Variants in PHACTR3 observed in about 807,000 individuals in gnomAD.
The protein encoded by PHACTR3 is protein phosphatase 1, regulatory subunit 123.
In PHACTR3, 16 loss-of-function variants were observed where a neutral mutation model predicts 66.8. That is an observed-to-expected ratio of 0.24 (90% CI 0.16 to 0.36). The LOEUF is 0.36. Among genes scored for constraint, PHACTR3 ranks in the 10% least tolerant of loss-of-function variants. The pLI, the probability that PHACTR3 is intolerant of heterozygous loss-of-function variation, is 1.00. For synonymous variants in PHACTR3, 323 were observed against 292.1 expected (o/e 1.11, Z -1.08); for missense variants, 647 against 719.9 (o/e 0.90, Z 1.16).
At chr20:59,624,065 A>G (rs2034361407) in intron 1 of PHACTR3, among the ~76,000 whole-genome samples, 2 of 151,814 alleles carry the variant, frequency 1.3e-5, no homozygotes, top group African/African-American at 4.8e-5. Flanking sequence ...TCGCCTCTCG[A>G]TTTGGAGGGT....
At chr20:59,652,912 A>ATG (rs574491868) in intron 1 of PHACTR3, among the ~76,000 whole-genome samples, 3 of 152,094 alleles carry the variant, frequency 2.0e-5, no homozygotes, top group East Asian at 1.9e-4. Flanking sequence ...GTGCATTTTC[A>ATG]TGTGTGTGTG....
At chr20:59,589,397 C>G (rs1004185081) in intron 1 of PHACTR3, among the ~76,000 whole-genome samples, 1 of 152,190 alleles carries the variant, frequency 6.6e-6, no homozygotes, top group African/African-American at 2.4e-5. Flanking sequence ...CAAACACGGA[C>G]GGCCGTTACT....
At chr20:59,774,836 A>G (rs769394981) in intron 7 of PHACTR3, among the ~76,000 whole-genome samples, 20 of 152,134 alleles carry the variant, frequency 1.3e-4, no homozygotes, top group Non-Finnish European at 2.6e-4. Flanking sequence ...GGCGAACAGT[A>G]TATAGTTGGT....
At chr20:59,761,686 G>C (rs985880944) in intron 4 of PHACTR3, among the ~76,000 whole-genome samples, 1 of 152,246 alleles carries the variant, frequency 6.6e-6, no homozygotes, top group Non-Finnish European at 1.5e-5. Context: ...ATCAGCCCCT[G>C]CTCTGGAAAA....
At chr20:59,696,989 G>T (rs1261863196) in intron 1 of PHACTR3, among the ~76,000 whole-genome samples, 1 of 152,208 alleles carries the variant, frequency 6.6e-6, no homozygotes, top group Non-Finnish European at 1.5e-5. Context: ...AGCAGAGGGT[G>T]CTGGGATTCA....
intron 1 of PHACTR3, among the ~76,000 whole-genome samples, chr20:59,674,736 TTCCCCCCTTC>T (rs1391272969): frequency 2.0e-3 from 151 of 74,646 alleles, no homozygotes; most frequent in South Asian, 3.1e-3. Flanking sequence ...CCTCCTCCTG[TTCCCCCCTTC>T]TCTGGTTCCC....
At chr20:59,679,185 A>ATT (rs1568702721) in intron 1 of PHACTR3, among the ~76,000 whole-genome samples, 1 of 152,158 alleles carries the variant, frequency 6.6e-6, no homozygotes, top group Non-Finnish European at 1.5e-5. Context: ...TTGAAGATGG[A>ATT]CTTGATTGAA....
rs774533912 is a variant in PHACTR3, at chr20:59,845,247, C to T, written c.1646C>T (p.Ser549Leu). The change falls in exon 12 of 13, where the codon TCA becomes TTA. Residue 549 changes from serine (S) to leucine (L), a missense_variant. Ser to Leu is a moderately radical substitution (Grantham distance 145, BLOSUM62 -2). Transcript: ENST00000371015. The stretch of plus-strand genomic sequence containing the variant: ...AGTAATGAAATGGAGGTACATGCAT[C>T]AAGCAAGCACTTGACAAGGTCAGAT... ...YKSNEMEVHA[S>L]SKHLTRFHRP is the part of the protein sequence containing the mutation. 1 of 1,607,170 alleles carries T rather than the reference C, an allele frequency of 6.2e-7. No individual in the cohort carries two copies. The highest frequency in any genetic ancestry group is 8.5e-7 in the Non-Finnish European group (1 of 1,174,808).
At chr20:59,696,905 G>A (rs2037318719) in intron 1 of PHACTR3, among the ~76,000 whole-genome samples, 1 of 152,184 alleles carries the variant, frequency 6.6e-6, no homozygotes, top group Non-Finnish European at 1.5e-5. Flanking sequence ...CTTTCCTATT[G>A]TGGAGGCTGT....
intron 7 of PHACTR3, among the ~76,000 whole-genome samples, chr20:59,788,064 AC>A (rs974638146): frequency 1.3e-5 from 2 of 152,098 alleles, no homozygotes; most frequent in African/African-American, 4.8e-5. Context: ...CAAGCAGTAA[AC>A]ACTGCACCAT....
intron 1 of PHACTR3, among the ~76,000 whole-genome samples, chr20:59,712,084 C>A (rs1293021961): frequency 6.6e-6 from 1 of 151,948 alleles, no homozygotes; most frequent in Non-Finnish European, 1.5e-5. Context: ...GTAATTTGGA[C>A]TAGCCATTCT....
chr20:59,836,824 C>T (rs920207287), intron 9 of PHACTR3, among the ~76,000 whole-genome samples: 6 of 152,116 alleles, frequency 3.9e-5, no homozygotes, highest in Admixed American at 3.3e-4. Context: ...TGTCTAAGTG[C>T]GTTAGGTTTC....
At position 59,755,385 on chromosome 20, in the gene PHACTR3, G is replaced by A. The variant is rs756028486; in HGVS notation, c.541+21G>A. 28 of 1,609,442 alleles carry A rather than the reference G, an allele frequency of 1.7e-5. 1 individual carries two copies. In the Middle Eastern group the frequency reaches 4.9e-4, roughly 28 times the overall value. On this transcript the variant is annotated intron_variant, in intron 4 of 12. Transcript: ENST00000371015. ...TGCAGGTACTGGCTGGAGACCACGC[G>A]AAGTTGAGCTGCTCCTAGAATGGCC...
At chr20:59,757,009 T>C (rs1002345591) in intron 4 of PHACTR3, among the ~76,000 whole-genome samples, 2 of 152,044 alleles carry the variant, frequency 1.3e-5, no homozygotes, top group Non-Finnish European at 2.9e-5. Flanking sequence ...TCAAACAAAT[T>C]GATAAGAAAA....
chr20:59,633,137 A>G (rs1428363461), intron 1 of PHACTR3, among the ~76,000 whole-genome samples: 1 of 152,228 alleles, frequency 6.6e-6, no homozygotes, highest in African/African-American at 2.4e-5. Flanking sequence ...TGTGCTAGAG[A>G]TTAGGCTTTT....
intron 8 of PHACTR3, among the ~76,000 whole-genome samples, chr20:59,815,418 GTT>G (rs538438640): frequency 7.6e-6 from 1 of 131,760 alleles, no homozygotes. Flanking sequence ...TGGGGTTCTG[GTT>G]TTTTTTTTTT....
chr20:59,728,245 C>G (rs1353088609), intron 1 of PHACTR3, among the ~76,000 whole-genome samples: 3 of 152,124 alleles, frequency 2.0e-5, no homozygotes. Context: ...TTTCGTTTAG[C>G]ACCATGATCT....
chr20:59,729,475 A>G (rs1179168388), intron 1 of PHACTR3, among the ~76,000 whole-genome samples: 1 of 152,122 alleles, frequency 6.6e-6, no homozygotes, highest in Admixed American at 6.5e-5. Flanking sequence ...GAGACCAGAG[A>G]CACCTTAGTG....
At chr20:59,701,783 G>A (rs6027049) in intron 1 of PHACTR3, among the ~76,000 whole-genome samples, 6,791 of 152,166 alleles carry the variant, frequency 0.045, 520 homozygotes, top group African/African-American at 0.15. Context: ...TACATTCTAC[G>A]GGTTTTGACA....
Sources: allele counts gnomAD v4.1 joint callset (sites outside exome capture counted in the v4.1 genomes callset), GRCh38; gene constraint gnomAD v4.1.1; transcripts MANE v1.5; gene names NCBI Gene and HGNC (gene_info 2026-07-23, HGNC 2026-07-21).